RNGTT: variants seen among roughly 807,000 people sequenced by gnomAD.
RNGTT encodes RNA guanylyltransferase and 5'-phosphatase.
Under a neutral mutation model 79.3 loss-of-function variants are expected in RNGTT, and 33 were observed. The ratio of observed to expected loss-of-function variants is 0.42; its 90% CI spans 0.32 to 0.56. The LOEUF is 0.56. Among genes scored for constraint, RNGTT ranks in the 20% least tolerant of loss-of-function variants. RNGTT has a pLI of 0.17. For synonymous variants in RNGTT, 222 were observed against 235.9 expected (o/e 0.94, Z 0.54); for missense variants, 497 against 739.1 (o/e 0.67, Z 3.80).
chr6:88,954,953 G>A (rs1379005645), intron 1 of RNGTT, among the ~76,000 whole-genome samples: 1 of 152,044 alleles, frequency 6.6e-6, no homozygotes, highest in Non-Finnish European at 1.5e-5. Context: ...AGCTACTAGG[G>A]AGGCTGAGGC....
At chr6:88,949,627 CACA>C (rs777422652) in intron 1 of RNGTT, among the ~76,000 whole-genome samples, 1 of 152,086 alleles carries the variant, frequency 6.6e-6, no homozygotes, top group Non-Finnish European at 1.5e-5. Flanking sequence ...TCAAACCAGC[CACA>C]ACATTTCCAT....
At chr6:88,747,923 C>T (rs1226054934) in intron 13 of RNGTT, among the ~76,000 whole-genome samples, 2 of 152,144 alleles carry the variant, frequency 1.3e-5, no homozygotes, top group Admixed American at 1.3e-4. Context: ...TCACACATTT[C>T]TCAAGGCTAG....
intron 8 of RNGTT, among the ~76,000 whole-genome samples, chr6:88,862,606 C>T (rs61372909): frequency 0.019 from 2,877 of 152,250 alleles, 82 homozygotes; most frequent in African/African-American, 0.065. Flanking sequence ...TGTGAGAACT[C>T]CAAATTGAAG....
At chr6:88,626,723 G>A (rs898059017) in intron 14 of RNGTT, among the ~76,000 whole-genome samples, 2 of 152,004 alleles carry the variant, frequency 1.3e-5, no homozygotes, top group African/African-American at 4.8e-5. Context: ...TTTTAAATGG[G>A]CTGCATTTCA....
intron 4 of RNGTT, among the ~76,000 whole-genome samples, chr6:88,925,449 G>T (rs1415513371): frequency 6.6e-6 from 1 of 151,848 alleles, no homozygotes; most frequent in Non-Finnish European, 1.5e-5. Context: ...AAATTAGCAG[G>T]GTGTGGTGGT....
chr6:88,930,863 C>T (rs1200222704), intron 2 of RNGTT, among the ~76,000 whole-genome samples: 1 of 152,062 alleles, frequency 6.6e-6, no homozygotes, highest in African/African-American at 2.4e-5. Flanking sequence ...CACACAAAAG[C>T]AGTAAAAATG....
intron 14 of RNGTT, among the ~76,000 whole-genome samples, chr6:88,677,573 C>T (rs2127789309): frequency 6.6e-6 from 1 of 152,026 alleles, no homozygotes; most frequent in South Asian, 2.1e-4. Flanking sequence ...TTCAGGCGAT[C>T]CTCTTGCCTC....
chr6:88,717,606 G>T (rs889607303), intron 13 of RNGTT, among the ~76,000 whole-genome samples: 2 of 152,096 alleles, frequency 1.3e-5, no homozygotes, highest in African/African-American at 4.8e-5. Context: ...CAATACTTTG[G>T]GTTTTCTTTT....
At chr6:88,940,597 A>C (rs1582156352) in intron 2 of RNGTT, among the ~76,000 whole-genome samples, 1 of 152,096 alleles carries the variant, frequency 6.6e-6, no homozygotes, top group South Asian at 2.1e-4. Context: ...GGGGGCTGGG[A>C]TGTCAGGTGG....
At chr6:88,891,003 G>A (rs1370395715) in intron 7 of RNGTT, among the ~76,000 whole-genome samples, 2 of 152,064 alleles carry the variant, frequency 1.3e-5, no homozygotes, top group Middle Eastern at 3.2e-3. Context: ...CTGCAAGGTT[G>A]GCAACTTTCT....
intron 14 of RNGTT, among the ~76,000 whole-genome samples, chr6:88,631,058 T>C (rs1772860817): frequency 6.6e-6 from 1 of 152,228 alleles, no homozygotes; most frequent in African/African-American, 2.4e-5. Flanking sequence ...CACAATTTTA[T>C]GATAATCATA....
chr6:88,850,584 T>C (rs979479476), intron 9 of RNGTT, among the ~76,000 whole-genome samples: 2 of 150,114 alleles, frequency 1.3e-5, no homozygotes, highest in African/African-American at 4.8e-5. Context: ...AAATTCCATG[T>C]ACAACCATCT....
chr6:88,963,542 C>G lies in RNGTT; in HGVS notation c.-133G>C, dbSNP rs974603675. 5 of 805,408 alleles carry G rather than the reference C, an allele frequency of 6.2e-6. No individual in the cohort carries two copies. The highest frequency in any genetic ancestry group is 6.5e-5 in the East Asian group (2 of 30,678). 49.9% of individuals were successfully genotyped at this position (805,408 alleles called of 1,614,324 possible). A position where few individuals can be genotyped will look rare whatever the true frequency, so the allele number is the denominator to read the frequency against. On this transcript the variant is annotated 5_prime_UTR_variant, in exon 1 of 16. Transcript: ENST00000369485. ...GCCGTAATCTGAATTCCAACCTCTC[C>G]GATCCGGGTAACGTCAGGGGCGGCG...
chr6:88,853,569 C>A, intron 9 of RNGTT, 60 bp downstream of exon 9: 12 of 1,040,936 alleles, frequency 1.2e-5, no homozygotes, highest in African/African-American at 1.7e-5. Context: ...TACACATTTA[C>A]TTACAAGGAA....
intron 13 of RNGTT, among the ~76,000 whole-genome samples, chr6:88,688,609 A>G (rs1307457319): frequency 3.3e-5 from 5 of 152,254 alleles, no homozygotes; most frequent in Non-Finnish European, 1.5e-5. Flanking sequence ...CTGAAAAATG[A>G]TGGAAAGCAT....
At chr6:88,876,463 C>T (rs1234729401) in intron 8 of RNGTT, among the ~76,000 whole-genome samples, 1 of 152,150 alleles carries the variant, frequency 6.6e-6, no homozygotes. Flanking sequence ...TGCAGTGAGG[C>T]ATGAGTGTGC....
At chr6:88,622,767 T>C (rs571099338) in intron 14 of RNGTT, among the ~76,000 whole-genome samples, 1 of 152,218 alleles carries the variant, frequency 6.6e-6, no homozygotes, top group East Asian at 1.9e-4. Flanking sequence ...CTTGCCACAG[T>C]TCCTGAGCTC....
intron 8 of RNGTT, among the ~76,000 whole-genome samples, chr6:88,885,829 G>A (rs943519670): frequency 5.9e-5 from 9 of 152,254 alleles, no homozygotes; most frequent in African/African-American, 2.2e-4. Context: ...ATCACTAATA[G>A]GAGAATTCAA....
intron 13 of RNGTT, among the ~76,000 whole-genome samples, chr6:88,702,796 A>G (rs991650359): frequency 1.3e-5 from 2 of 152,218 alleles, no homozygotes; most frequent in African/African-American, 2.4e-5. Flanking sequence ...ATTGCAAACT[A>G]TGCATCCAAC....
Sources: gnomAD v4.1 joint callset for allele counts (sites outside exome capture counted in the v4.1 genomes callset) on GRCh38, gnomAD v4.1.1 for gene constraint, MANE v1.5 for transcripts, NCBI Gene and HGNC (gene_info 2026-07-23, HGNC 2026-07-21) for gene names.